The following ZYG11A variants were observed in gnomAD, a reference collection of about 807,000 sequenced individuals.
ZYG11A encodes the protein zyg-11 family member A, cell cycle regulator, also known as protein zyg-11 homolog A.
In ZYG11A, 62 loss-of-function variants were observed where a neutral mutation model predicts 77.2. The observed-to-expected ratio is 0.80, with a 90% CI of 0.65 to 0.99. The LOEUF (loss-of-function observed/expected upper bound fraction) is 0.99. ZYG11A is among the 50% of genes least tolerant of loss of function. The probability of loss-of-function intolerance (pLI) is 0.00; values close to 1 mark genes in which losing one functional copy is unlikely to be tolerated. For missense variants in ZYG11A, 828 were observed against 896.8 expected (o/e 0.92, Z 0.98); for synonymous variants, 315 against 324.6 (o/e 0.97, Z 0.32).
At chr1:52,869,818 C>T (rs1318107395) in intron 8 of ZYG11A, among the ~76,000 whole-genome samples, 1 of 151,376 alleles carries the variant, frequency 6.6e-6, no homozygotes, top group Non-Finnish European at 1.5e-5. Context: ...CCAGTAGGGG[C>T]GGCCGGGCAG....
chr1:52,851,357 A>G (rs567644571), intron 1 of ZYG11A, among the ~76,000 whole-genome samples: 1 of 151,814 alleles, frequency 6.6e-6, no homozygotes, highest in South Asian at 2.1e-4. Flanking sequence ...GACTTTTCAT[A>G]TATGTGTGCA....
Position 52,885,891 on chromosome 1 carries a change from A to G in ZYG11A, c.2003A>G (p.Tyr668Cys). ...SSCKMTALVT[Y>C]RSFKTFFPLL... is the part of the protein sequence containing the mutation. Reference sequence around the variant, plus strand: ...TGTAAGATGACAGCATTGGTGACCTATAGGTAATTTCATGGTGTTGTGCTT... The same window carrying G: ...TGTAAGATGACAGCATTGGTGACCTGTAGGTAATTTCATGGTGTTGTGCTT... The change falls in exon 12 of 14, where the codon TAT becomes TGT. Residue 668 changes from tyrosine to cysteine, a missense_variant. Transcript: ENST00000371528. 1.3e-6 allele frequency: 2 copies of G among 1,539,712 alleles called. No homozygotes were observed. Among genetic ancestry groups the G allele is most frequent in the Non-Finnish European group, 1.8e-6 (2 of 1,141,664 alleles).
At chr1:52,868,190 T>C (rs1419791351) in intron 8 of ZYG11A, among the ~76,000 whole-genome samples, 1 of 151,836 alleles carries the variant, frequency 6.6e-6, no homozygotes, top group Non-Finnish European at 1.5e-5. Flanking sequence ...GGTCTCGAAC[T>C]CCTGACCTCG....
At chr1:52,887,839 ACT>A (rs976001460) in intron 13 of ZYG11A, among the ~76,000 whole-genome samples, 9 of 152,224 alleles carry the variant, frequency 5.9e-5, no homozygotes, top group Admixed American at 5.2e-4. Flanking sequence ...GTGCCACTGC[ACT>A]CTGTCTTAAA....
intron 1 of ZYG11A, among the ~76,000 whole-genome samples, chr1:52,850,656 A>C (rs973032252): frequency 6.6e-6 from 1 of 152,070 alleles, no homozygotes. Context: ...GGGTTTCACC[A>C]TGTTGGCTAG....
intron 8 of ZYG11A, among the ~76,000 whole-genome samples, chr1:52,873,950 C>T (rs1274051125): frequency 1.3e-5 from 2 of 151,622 alleles, no homozygotes; most frequent in Non-Finnish European, 2.9e-5. Flanking sequence ...CGCCACTGCA[C>T]TCCAGCCTGG....
chr1:52,866,741 T>G (rs914855275), intron 6 of ZYG11A, among the ~76,000 whole-genome samples, 174 bp downstream of exon 6: 1 of 152,164 alleles, frequency 6.6e-6, no homozygotes, highest in Non-Finnish European at 1.5e-5. Flanking sequence ...GTGATTCTAG[T>G]ATAGGATAGT....
chr1:52,875,010 C>G (rs1337377865), intron 8 of ZYG11A, among the ~76,000 whole-genome samples: 1 of 152,186 alleles, frequency 6.6e-6, no homozygotes, highest in Middle Eastern at 3.2e-3. Context: ...CCCACAGTCT[C>G]TCCTAGATGT....
At chr1:52,846,348 A>T (rs192343739) in intron 1 of ZYG11A, among the ~76,000 whole-genome samples, 18 of 97,358 alleles carry the variant, frequency 1.8e-4, no homozygotes, top group African/African-American at 9.1e-4. Context: ...ATATATATAT[A>T]TATATATATA....
intron 10 of ZYG11A, 56 bp from the exon 11 acceptor site, chr1:52,881,415 C>T: frequency 7.5e-7 from 1 of 1,326,740 alleles, no homozygotes; most frequent in Non-Finnish European, 1.0e-6. Context: ...AAAGCCAATT[C>T]CTGATTCTCC....
chr1:52,867,391 C>T, intron 6 of ZYG11A, 148 bp from the exon 7 acceptor site: 1 of 618,868 alleles, frequency 1.6e-6, no homozygotes, highest in Non-Finnish European at 2.8e-6. Flanking sequence ...CTTCTCTCTG[C>T]CAAATGCTCT....
In ZYG11A at chr1:52,858,323, G is replaced by T. The variant is rs1645857121; in HGVS notation, c.1008+574G>T. Among the ~76,000 whole-genome samples the T allele has an allele frequency of 2.0e-5, 3 of 150,724 alleles. No homozygotes were observed. The South Asian group carries it at 6.4e-4, about 32-fold the overall frequency. On this transcript the variant is annotated intron_variant, in intron 3 of 13. Transcript: ENST00000371528. The stretch of plus-strand genomic sequence containing the variant: ...AGGCAGGAGAATCACTTGAACCTGG[G>T]AGGTGGAGGTTGCACCACTGCACTC...
At chr1:52,880,547 C>T (rs908861158) in intron 10 of ZYG11A, among the ~76,000 whole-genome samples, 3 of 152,118 alleles carry the variant, frequency 2.0e-5, no homozygotes, top group Non-Finnish European at 4.4e-5. Flanking sequence ...TAAAATATCA[C>T]TCCCATGATT....
Position 52,893,616 on chromosome 1 carries a change from A to AT in ZYG11A, c.*661dup, listed in dbSNP as rs1440272258. ...TCCGTCTCTACCAAAAAATACAAAA[A>AT]TTAGCTGAGCGTGGTGGTGTGCACC... On this transcript the variant is annotated 3_prime_UTR_variant, in exon 14 of 14. Transcript: ENST00000371528. The AT allele has an allele frequency of 2.6e-5, 4 of 151,850 alleles. No individual in the cohort carries two copies. The highest frequency in any genetic ancestry group is 2.0e-4 in the Admixed American group (3 of 15,226). The allele number at this position is 151,850 out of a possible 1,614,324, so 9.4% of individuals were successfully genotyped here.
At chr1:52,863,864 A>T (rs1645973021) in intron 4 of ZYG11A, 117 bp from the exon 5 acceptor site, 1 of 899,234 alleles carries the variant, frequency 1.1e-6, no homozygotes, top group South Asian at 1.8e-5. Flanking sequence ...AATGCTTAGG[A>T]TAGGGAAAAT....
chr1:52,844,537 TACAC>T (rs1263854337), intron 1 of ZYG11A, among the ~76,000 whole-genome samples: 1 of 152,164 alleles, frequency 6.6e-6, no homozygotes, highest in Non-Finnish European at 1.5e-5. Context: ...TTATTTTAAT[TACAC>T]AAATATTGCA....
In ZYG11A at chr1:52,860,750, T is replaced by A. The variant is rs1645912080; in HGVS notation, c.1028T>A (p.Met343Lys). ...TTTCAGGTTGCTGGAGGAGCCAGTATGAGTCAGATTTCAGAAGCACTGAGC... is the reference window on the plus strand; with the variant it reads ...TTTCAGGTTGCTGGAGGAGCCAGTAAGAGTCAGATTTCAGAAGCACTGAGC... ...QGLRVAGGAS[M>K]SQISEALSRY... is the part of the protein sequence containing the mutation. The change falls in exon 4 of 14, where the codon ATG becomes AAG. Residue 343 changes from methionine (M) to lysine (K), a missense_variant. By Grantham distance (95) the Met-to-Lys change is moderately conservative. Transcript: ENST00000371528. 1 of 1,551,566 alleles carries A rather than the reference T, an allele frequency of 6.4e-7. No homozygotes were observed. Among genetic ancestry groups the A allele is most frequent in the Non-Finnish European group, 8.7e-7 (1 of 1,147,000 alleles).
chr1:52,864,185 C>T (rs1557440685), intron 5 of ZYG11A, 28 bp downstream of exon 5: 1 of 1,545,704 alleles, frequency 6.5e-7, no homozygotes, highest in Admixed American at 2.0e-5. Context: ...TTTGTTTGTG[C>T]TTTTTTTGTT....
intron 11 of ZYG11A, among the ~76,000 whole-genome samples, chr1:52,884,282 G>A (rs1557457077): frequency 6.6e-6 from 1 of 152,004 alleles, no homozygotes. Flanking sequence ...AGATCATGAG[G>A]TCTGGAGATC....
Sources: allele counts gnomAD v4.1 joint callset (sites outside exome capture counted in the v4.1 genomes callset), GRCh38; gene constraint gnomAD v4.1.1; transcripts MANE v1.5; gene names NCBI Gene and HGNC (gene_info 2026-07-23, HGNC 2026-07-21).